SLC2A9: variants seen among roughly 807,000 people sequenced by gnomAD.
SLC2A9 encodes solute carrier family 2, facilitated glucose transporter member 9.
Under a neutral mutation model 50.6 loss-of-function variants are expected in SLC2A9, and 39 were observed. The ratio of observed to expected loss-of-function variants is 0.77; its 90% CI spans 0.60 to 1.01. SLC2A9 has a LOEUF of 1.01. Among genes scored for constraint, SLC2A9 ranks in the 50% least tolerant of loss-of-function variants. SLC2A9 has a pLI of 0.00. For synonymous variants in SLC2A9, 324 were observed against 276.9 expected, an observed-to-expected ratio of 1.17 and a Z score of -1.69; for missense variants, 686 against 677.6, an observed-to-expected ratio of 1.01 and a Z score of -0.14.
At chr4:10,038,080 C>G (rs1156348196) in intron 1 of SLC2A9, among the ~76,000 whole-genome samples, 1 of 152,200 alleles carries the variant, frequency 6.6e-6, no homozygotes, top group Non-Finnish European at 1.5e-5. Flanking sequence ...ATCACACTGT[C>G]TGGAAAATGG....
intron 10 of SLC2A9, chr4:9,880,279 A>G (rs1734983829): frequency 1.0e-6 from 1 of 985,400 alleles, no homozygotes; most frequent in Non-Finnish European, 1.2e-6. Flanking sequence ...TTGTGGCTAA[A>G]GTCATTGCTA....
chr4:10,018,542 A>AAGATGATAGATAGAT (rs141946381), intron 2 of SLC2A9, among the ~76,000 whole-genome samples: 42,797 of 136,772 alleles, frequency 0.31, 7,036 homozygotes, highest in South Asian at 0.41. Flanking sequence ...CTCCATCTCA[A>AAGATGATAGATAGAT]AGATGATAGA....
At chr4:9,886,460 GTGTGTGTGTGTGTGC>G (rs1197966009) in intron 10 of SLC2A9, among the ~76,000 whole-genome samples, 19 of 129,180 alleles carry the variant, frequency 1.5e-4, no homozygotes, top group African/African-American at 5.4e-4. Context: ...GTGTGTGTGT[GTGTGTGTGTGTGTGC>G]TGTGTGCATG....
At chr4:9,930,235 C>T (rs1745650478) in intron 6 of SLC2A9, among the ~76,000 whole-genome samples, 1 of 152,216 alleles carries the variant, frequency 6.6e-6, no homozygotes, top group Admixed American at 6.5e-5. Flanking sequence ...ACCCAACCTT[C>T]CCTTCACCAT....
downstream of SLC2A9, among the ~76,000 whole-genome samples, chr4:9,778,869 G>C (rs1717925879): frequency 6.6e-6 from 1 of 151,908 alleles, no homozygotes; most frequent in African/African-American, 2.4e-5. Context: ...ACCCAGGCTG[G>C]AGTGCAGTGG....
chr4:9,891,363 T>C (rs985923554), intron 8 of SLC2A9, among the ~76,000 whole-genome samples: 2 of 152,182 alleles, frequency 1.3e-5, no homozygotes, highest in African/African-American at 2.4e-5. Flanking sequence ...GAAAGAGTAA[T>C]TGTAGCCGAA....
intron 6 of SLC2A9, among the ~76,000 whole-genome samples, chr4:9,925,175 G>T (rs1389174998): frequency 6.6e-6 from 1 of 152,204 alleles, no homozygotes; most frequent in African/African-American, 2.4e-5. Context: ...TGCTCGTGCT[G>T]TTCCTTGTGT....
intron 3 of SLC2A9, among the ~76,000 whole-genome samples, chr4:9,808,738 C>T (rs1302358093): frequency 1.3e-5 from 2 of 152,170 alleles, no homozygotes; most frequent in African/African-American, 4.8e-5. Flanking sequence ...CCTTTTGCAA[C>T]ATGATTCCAA....
upstream of SLC2A9, chr4:10,025,949 C>G: frequency 1.2e-6 from 2 of 1,613,724 alleles, no homozygotes; most frequent in African/African-American, 1.3e-5. Flanking sequence ...CTCCTCGGTC[C>G]TTTTTACTGA....
chr4:9,968,909 T>C (rs1217944876), intron 5 of SLC2A9, among the ~76,000 whole-genome samples: 1 of 152,190 alleles, frequency 6.6e-6, no homozygotes, highest in Non-Finnish European at 1.5e-5. Flanking sequence ...TATAACTTTC[T>C]GTATTGCTTT....
At chr4:9,827,263 A>G (rs1227922365) in intron 11 of SLC2A9, among the ~76,000 whole-genome samples, 1 of 152,228 alleles carries the variant, frequency 6.6e-6, no homozygotes, top group Non-Finnish European at 1.5e-5. Flanking sequence ...TGTGCCTTAT[A>G]GGAGGTACTC....
intron 5 of SLC2A9, among the ~76,000 whole-genome samples, chr4:9,945,178 A>C (rs1320913235): frequency 6.6e-6 from 1 of 152,258 alleles, no homozygotes; most frequent in African/African-American, 2.4e-5. Flanking sequence ...GGCTATGGGC[A>C]CAGCTCTCTT....
chr4:9,781,999 C>T (rs770087035), intron 3 of SLC2A9: 7 of 1,429,082 alleles, frequency 4.9e-6, no homozygotes, highest in African/African-American at 1.4e-5. Flanking sequence ...GTTGGGACCG[C>T]GCACAGACCG....
intron 3 of SLC2A9, among the ~76,000 whole-genome samples, chr4:9,792,248 T>C (rs554511465): frequency 1.4e-4 from 21 of 145,978 alleles, no homozygotes; most frequent in East Asian, 1.0e-3. Flanking sequence ...GCAATCATGG[T>C]TCACTGCAGC....
chr4:9,863,604 C>G (rs1180658632), intron 10 of SLC2A9, among the ~76,000 whole-genome samples: 1 of 152,064 alleles, frequency 6.6e-6, no homozygotes, highest in Admixed American at 6.5e-5. Context: ...ATAATTCTGA[C>G]AAGCTTGATT....
chr4:9,834,931 C>A lies in SLC2A9; in HGVS notation c.1369G>T (p.Val457Phe). 6.2e-7 allele frequency: 1 copy of A among 1,614,106 alleles called. No homozygotes were observed. The highest frequency in any genetic ancestry group is 1.1e-5 in the South Asian group (1 of 91,072). Residue 457 changes from valine to phenylalanine, a missense_variant, in exon 11 of 12, where the codon GTC becomes TTC. By Grantham distance (50) the Val-to-Phe change is conservative. Coordinates refer to ENST00000264784, the MANE Select transcript of SLC2A9 (RefSeq NM_020041.3). ...RPAAFIIAGTVNWLSNFAVGL... is the reference protein window; with the variant it reads ...RPAAFIIAGTFNWLSNFAVGL... ...ACAGCAAAGTTGGAGAGCCAGTTGA[C>A]GGTGCCTGCAATGATGAAGGCAGCC... is the stretch of plus-strand genomic sequence containing the variant.
At chr4:9,981,310 C>CTGGTGATGGTAATGATGGT (rs1755808301) in intron 4 of SLC2A9, among the ~76,000 whole-genome samples, 2 of 25,570 alleles carry the variant, frequency 7.8e-5, no homozygotes, top group African/African-American at 1.5e-4. Context: ...GTGATGGTGG[C>CTGGTGATGGTAATGATGGT]GATGGTGGTG....
chr4:9,880,107 G>C (rs1186538162), intron 10 of SLC2A9: 2 of 985,234 alleles, frequency 2.0e-6, no homozygotes, highest in Admixed American at 1.2e-4. Context: ...CACTTTCCCG[G>C]GTGGCTCCCC....
chr4:9,798,821 G>C (rs1269942963), downstream of SLC2A9: 1 of 152,186 alleles, frequency 6.6e-6, no homozygotes, highest in Non-Finnish European at 1.5e-5. Flanking sequence ...GTGATGTTGA[G>C]CTACTTGCTT....
Sources: allele counts gnomAD v4.1 joint callset (sites outside exome capture counted in the v4.1 genomes callset), GRCh38; gene constraint gnomAD v4.1.1; transcripts MANE v1.5; gene names NCBI Gene and HGNC (gene_info 2026-07-23, HGNC 2026-07-21).